SIPA1L3: variants seen among roughly 807,000 people sequenced by gnomAD.
The protein encoded by SIPA1L3 is signal induced proliferation associated 1 like 3.
Under a neutral mutation model 150.1 loss-of-function variants are expected in SIPA1L3, and 59 were observed. The observed-to-expected ratio is 0.39, with a 90% confidence interval of 0.32 to 0.49. SIPA1L3 has a LOEUF of 0.49. SIPA1L3 is among the 20% of genes least tolerant of loss of function. SIPA1L3 has a pLI of 0.86. For synonymous variants in SIPA1L3, 1,070 were observed against 1,077.6 expected (o/e 0.99, Z 0.14); for missense variants, 2,211 against 2,489.5 (o/e 0.89, Z 2.38).
intron 15 of SIPA1L3, among the ~76,000 whole-genome samples, chr19:38,176,693 C>T (rs1209798747): frequency 1.3e-5 from 2 of 152,132 alleles, no homozygotes; most frequent in East Asian, 1.9e-4. Context: ...CCACTTAGGC[C>T]AGGCATGGAG....
At chr19:38,037,438 C>T (rs1450585359) in intron 2 of SIPA1L3, among the ~76,000 whole-genome samples, 1 of 152,158 alleles carries the variant, frequency 6.6e-6, no homozygotes, top group African/African-American at 2.4e-5. Context: ...TGGAAGAAGA[C>T]CTGTGTAACT....
intron 1 of SIPA1L3, among the ~76,000 whole-genome samples, chr19:38,008,362 G>A (rs1968013827): frequency 6.6e-6 from 1 of 150,714 alleles, no homozygotes; most frequent in Non-Finnish European, 1.5e-5. Flanking sequence ...CTAATAGCTG[G>A]GACTACAGGC....
At position 38,206,254 on chromosome 19, in the gene SIPA1L3, C is replaced by T. The variant is rs766414422; in HGVS notation, c.*14C>T. 8.5e-6 allele frequency: 13 copies of T among 1,532,274 alleles called. No homozygotes were observed. Among genetic ancestry groups the T allele is most frequent in the Admixed American group, 7.9e-5 (4 of 50,458 alleles). The allele number at this position is 1,532,274 out of a possible 1,614,324, so 94.9% of individuals were successfully genotyped here. A position where few individuals can be genotyped will look rare whatever the true frequency, so the allele number is the denominator to read the frequency against. ...AAGGAGCTCTGAGGTGGGAGGCCGCCGCCCGCCTTCGCTCCTTCCCCTCAG... is the reference window on the plus strand; with the variant it reads ...AAGGAGCTCTGAGGTGGGAGGCCGCTGCCCGCCTTCGCTCCTTCCCCTCAG... On this transcript the variant is annotated 3_prime_UTR_variant, in exon 22 of 22. Transcript: ENST00000222345.
chr19:38,116,138 A>T (rs1970875666), intron 8 of SIPA1L3, among the ~76,000 whole-genome samples: 1 of 152,194 alleles, frequency 6.6e-6, no homozygotes, highest in Non-Finnish European at 1.5e-5. Flanking sequence ...ACTGACAAAT[A>T]GGTTTTAATC....
At chr19:38,152,714 C>G (rs1452803159) in intron 12 of SIPA1L3, 126 bp from the exon 13 acceptor site, 1 of 1,004,648 alleles carries the variant, frequency 1.0e-6, no homozygotes, top group Non-Finnish European at 1.4e-6. Context: ...ACCGCTTTCT[C>G]TCATCCACAG....
intron 1 of SIPA1L3, among the ~76,000 whole-genome samples, chr19:37,913,545 G>A (rs549868138): frequency 1.7e-4 from 26 of 152,124 alleles, no homozygotes; most frequent in African/African-American, 5.3e-4. Context: ...ACAGGCATGC[G>A]CCACTATGCC....
intron 6 of SIPA1L3, among the ~76,000 whole-genome samples, chr19:38,104,108 A>T (rs1030976281): frequency 1.3e-4 from 20 of 151,986 alleles, no homozygotes; most frequent in Admixed American, 9.2e-4. Context: ...TCAGTCAGAC[A>T]TTGCTCTTCC....
chr19:38,104,275 C>T lies in SIPA1L3; in HGVS notation c.2030-2262C>T, dbSNP rs146901273. On this transcript the variant is annotated intron_variant, in intron 6 of 21. Transcript: ENST00000222345. The stretch of plus-strand genomic sequence containing the variant: ...CCGCTGAAGGAGGCTGTAGGAGGAA[C>T]GAGCATGTTATTATGCCATTTGCTA... 7.7e-3 allele frequency among the ~76,000 whole-genome samples: 1,168 copies of T among 152,342 alleles called. 5 individuals are homozygous for T. The highest frequency in any genetic ancestry group is 0.013 in the Non-Finnish European group (885 of 68,034).
chr19:38,156,715 C>T (rs541962281), intron 13 of SIPA1L3, among the ~76,000 whole-genome samples: 46 of 152,260 alleles, frequency 3.0e-4, no homozygotes, highest in Non-Finnish European at 4.7e-4. Context: ...ATCCCAGCTA[C>T]TCAGGAGGCT....
At chr19:38,002,511 G>C (rs1967829582) in intron 1 of SIPA1L3, among the ~76,000 whole-genome samples, 1 of 150,886 alleles carries the variant, frequency 6.6e-6, no homozygotes, top group Non-Finnish European at 1.5e-5. Flanking sequence ...GAGGCGGGCG[G>C]ATCACAAGGT....
chr19:38,037,240 C>CTGA (rs2145732168), intron 2 of SIPA1L3, among the ~76,000 whole-genome samples: 1 of 152,104 alleles, frequency 6.6e-6, no homozygotes, highest in African/African-American at 2.4e-5. Context: ...GACAGCATAT[C>CTGA]TGAGAGCCCG....
chr19:38,079,819 G>T lies in SIPA1L3; in HGVS notation c.-310-1437G>T, dbSNP rs1030914333. On this transcript the variant is annotated intron_variant, in intron 2 of 21. Transcript: ENST00000222345. ...GATCCACCCGCCTTGGCCTCCCAAA[G>T]TGCTGGGACTGCAGGTGTGAGCCAC... Among the ~76,000 whole-genome samples the T allele has an allele frequency of 3.9e-5, 6 of 152,180 alleles. No homozygotes were observed. In the South Asian group the frequency reaches 1.0e-3, roughly 26 times the overall value.
intron 13 of SIPA1L3, among the ~76,000 whole-genome samples, chr19:38,157,884 G>T (rs1971985271): frequency 6.6e-6 from 1 of 152,172 alleles, no homozygotes; most frequent in Non-Finnish European, 1.5e-5. Context: ...AAAGTCTGGT[G>T]GGAGAATTGG....
At position 38,198,870 on chromosome 19, in the gene SIPA1L3, G is replaced by A. The variant is rs149262790; in HGVS notation, c.4984+338G>A. ...TCTGAGAGTCCAAGGCAGGAGGATC[G>A]CTTGAGCCCAGGAGGTGGAGGCTGT... On this transcript the variant is annotated intron_variant, in intron 19 of 21. Transcript: ENST00000222345. Among the ~76,000 whole-genome samples the A allele has an allele frequency of 3.6e-3, 543 of 152,280 alleles. 2 individuals are homozygous for A. The highest frequency in any genetic ancestry group is 6.9e-3 in the African/African-American group (286 of 41,558).
intron 15 of SIPA1L3, among the ~76,000 whole-genome samples, chr19:38,169,370 C>T (rs1217083773): frequency 2.0e-5 from 3 of 151,606 alleles, no homozygotes; most frequent in Admixed American, 1.3e-4. Context: ...GCCTTGGCAA[C>T]AGAGTGAGAC....
intron 1 of SIPA1L3, among the ~76,000 whole-genome samples, chr19:38,022,954 C>T (rs1968410112): frequency 6.6e-6 from 1 of 152,208 alleles, no homozygotes; most frequent in African/African-American, 2.4e-5. Flanking sequence ...AATGTTTGTT[C>T]CCATTTCCAC....
At chr19:37,925,195 A>G (rs1207292200) in intron 1 of SIPA1L3, among the ~76,000 whole-genome samples, 1 of 152,204 alleles carries the variant, frequency 6.6e-6, no homozygotes, top group East Asian at 1.9e-4. Flanking sequence ...CCCGTGGCTC[A>G]TGTCACTAGG....
At chr19:38,106,393 C>T (rs996531879) in intron 6 of SIPA1L3, 144 bp from the exon 7 acceptor site, 1 of 679,384 alleles carries the variant, frequency 1.5e-6, no homozygotes. Flanking sequence ...AGGTGTGAAC[C>T]ACCAGGCCTG....
chr19:38,166,929 T>C (rs952963549), intron 15 of SIPA1L3, among the ~76,000 whole-genome samples: 3 of 149,872 alleles, frequency 2.0e-5, no homozygotes, highest in African/African-American at 5.0e-5. Flanking sequence ...TACAGAAATA[T>C]CTATGTTAAA....
Sources: allele counts gnomAD v4.1 joint callset (sites outside exome capture counted in the v4.1 genomes callset), GRCh38; gene constraint gnomAD v4.1.1; transcripts MANE v1.5; gene names NCBI Gene and HGNC (gene_info 2026-07-23, HGNC 2026-07-21).